Variants in BRDT observed in about 807,000 individuals in gnomAD.
The protein encoded by BRDT is bromodomain testis-specific protein.
A neutral mutation model predicts 113.9 loss-of-function variants in BRDT; 77 were observed. The ratio of observed to expected loss-of-function variants is 0.68; its 90% confidence interval spans 0.56 to 0.82. BRDT has a LOEUF of 0.82. BRDT is among the 40% of genes least tolerant of loss of function. The probability of loss-of-function intolerance (pLI) is 0.00; values close to 1 mark genes in which losing one functional copy is unlikely to be tolerated. For synonymous variants in BRDT, 358 were observed against 366.5 expected (o/e 0.98, Z 0.26); for missense variants, 1,027 against 1,105.4 (o/e 0.93, Z 1.01).
rs1182301562 is a variant in BRDT at position 91,979,637 on chromosome 1, C to T, written c.1167C>T (p.Ile389=). The T allele has an allele frequency of 6.2e-7, 1 of 1,613,868 alleles. No individual in the cohort carries two copies. Among genetic ancestry groups the T allele is most frequent in the East Asian group, 2.2e-5 (1 of 44,864 alleles). ...TTGAGAGTATGCCTTTATGTTACAT[C>T]AAAACAGATATCACAGAAACCACTG... The part of the protein sequence containing the change: ...EPVESMPLCY[I]KTDITETTGR... Residue 389 remains isoleucine (I), a synonymous_variant, in exon 8 of 19, where the codon ATC becomes ATT. Coordinates refer to ENST00000399546, the MANE Select transcript of BRDT (RefSeq NM_207189.4).
intron 4 of BRDT, among the ~76,000 whole-genome samples, chr1:91,970,927 A>G (rs1286238950): frequency 5.9e-5 from 9 of 151,916 alleles, no homozygotes; most frequent in South Asian, 2.1e-4. Flanking sequence ...AAAAAAAAAA[A>G]AAAGAAAAGG....
intron 1 of BRDT, among the ~76,000 whole-genome samples, chr1:91,952,817 C>T (rs1042747658): frequency 6.1e-5 from 9 of 148,690 alleles, no homozygotes; most frequent in African/African-American, 2.2e-4. Context: ...AAGGGCCTTC[C>T]AGGGGTGATG....
In BRDT at chr1:91,980,453, GT is replaced by G. The variant is rs201020973; in HGVS notation, c.1288-185del. ...AAGTTTATGGGTTCAGCACATGATA[GT>G]TTTTGTAATTTAATATATGCCTTTT... On this transcript the variant is annotated intron_variant, in intron 8 of 18. Transcript: ENST00000399546. Among the ~76,000 whole-genome samples, 163 of 152,302 alleles carry G rather than the reference GT, an allele frequency of 1.1e-3. 1 individual carries two copies. In the East Asian group the frequency reaches 0.016, roughly 15 times the overall value.
chr1:91,992,368 A>AT, intron 14 of BRDT, 54 bp downstream of exon 14: 2 of 933,710 alleles, frequency 2.1e-6, no homozygotes, highest in Non-Finnish European at 3.0e-6. Flanking sequence ...TTACATATAG[A>AT]TTAGGGGCTT....
intron 15 of BRDT, among the ~76,000 whole-genome samples, chr1:92,001,098 C>G (rs896639155): frequency 6.6e-6 from 1 of 152,100 alleles, no homozygotes; most frequent in Non-Finnish European, 1.5e-5. Context: ...ATTGGCCACC[C>G]AGGCAGCATC....
At chr1:91,959,426 T>C (rs1682176695) in intron 1 of BRDT, among the ~76,000 whole-genome samples, 1 of 151,302 alleles carries the variant, frequency 6.6e-6, no homozygotes, top group South Asian at 2.1e-4. Context: ...TTTCTTTTTT[T>C]TTTTTTTTTT....
chr1:92,004,701 G>C lies in BRDT; in HGVS notation c.2594+82G>C, dbSNP rs1176353003. On this transcript the variant is annotated intron_variant, in intron 17 of 18. Coordinates refer to ENST00000399546, the MANE Select transcript of BRDT (RefSeq NM_207189.4). Reference sequence around the variant, plus strand: ...ACATTAAATTTCTTATTTGTTAAGTGACTATGATTCAACTGTTTAGTAGAA... The same window carrying C: ...ACATTAAATTTCTTATTTGTTAAGTCACTATGATTCAACTGTTTAGTAGAA... The C allele has an allele frequency of 2.4e-6, 3 of 1,261,060 alleles. No individual in the cohort carries two copies. The African/African-American group carries it at 4.6e-5, about 19-fold the overall frequency. The allele number at this position is 1,261,060 out of a possible 1,614,324, so 78.1% of individuals were successfully genotyped here.
chr1:91,961,993 A>G (rs1477222169), intron 1 of BRDT, among the ~76,000 whole-genome samples: 1 of 151,456 alleles, frequency 6.6e-6, no homozygotes, highest in Non-Finnish European at 1.5e-5. Context: ...AAAATACAAA[A>G]AGTTAGCCGG....
At chr1:91,978,397 C>T in intron 7 of BRDT, 101 bp downstream of exon 7, 1 of 1,341,734 alleles carries the variant, frequency 7.5e-7, no homozygotes, top group Non-Finnish European at 1.0e-6. Context: ...AACTCCTACA[C>T]CTCTAAGTAT....
Position 92,005,223 on chromosome 1 carries a change from A to T in BRDT, c.2699A>T (p.Asp900Val). Residue 900 changes from aspartate to valine, a missense_variant, in exon 18 of 19, where the codon GAT becomes GTT. Coordinates refer to ENST00000399546, the MANE Select transcript of BRDT (RefSeq NM_207189.4). ...KEHQQSSEAQ[D>V]KSKLWLLKDR... ...CATCAGCAGTCATCAGAAGCTCAAG[A>T]TAAATCCAAACTCTGGCTTCTCAAA... 1 of 1,594,620 alleles carries T rather than the reference A, an allele frequency of 6.3e-7. No individual in the cohort carries two copies. Among genetic ancestry groups the T allele is most frequent in the Non-Finnish European group, 8.5e-7 (1 of 1,172,162 alleles).
intron 15 of BRDT, among the ~76,000 whole-genome samples, chr1:91,996,637 A>C (rs192140317): frequency 6.6e-5 from 10 of 152,340 alleles, no homozygotes; most frequent in Non-Finnish European, 1.2e-4. Flanking sequence ...AAGTAAGGAC[A>C]CTGAATGCTG....
chr1:91,965,191 G>C (rs1446670222), intron 3 of BRDT, among the ~76,000 whole-genome samples: 2 of 151,972 alleles, frequency 1.3e-5, no homozygotes, highest in Non-Finnish European at 2.9e-5. Flanking sequence ...TGGGATTATA[G>C]GTGTGAGCCA....
intron 4 of BRDT, among the ~76,000 whole-genome samples, chr1:91,970,195 A>G (rs1346784310): frequency 6.6e-6 from 1 of 152,196 alleles, no homozygotes; most frequent in Non-Finnish European, 1.5e-5. Flanking sequence ...TTATGGAAAA[A>G]AAGACAATGC....
At chr1:91,985,078 ATTATT>A (rs1685081816) in intron 12 of BRDT, among the ~76,000 whole-genome samples, 2 of 151,928 alleles carry the variant, frequency 1.3e-5, no homozygotes, top group South Asian at 2.1e-4. Flanking sequence ...GATTATTATT[ATTATT>A]TTATTTATTG....
rs1240025378 is a variant in BRDT, at chr1:92,005,115, T to G, written c.2595-4T>G. 6.9e-7 allele frequency: 1 copy of G among 1,456,958 alleles called. No individual in the cohort carries two copies. The highest frequency in any genetic ancestry group is 2.6e-5 in the East Asian group (1 of 38,508). 90.3% of individuals were successfully genotyped at this position (1,456,958 alleles called of 1,614,324 possible). ...TACTTTGAGCTATACTTTTTTTCTT[T>G]AAGGGATCTTGGGAATGGATTGACT... On this transcript the variant is annotated splice_polypyrimidine_tract_variant and splice_region_variant and intron_variant, in intron 17 of 18. Transcript: ENST00000399546.
intron 2 of BRDT, among the ~76,000 whole-genome samples, chr1:91,964,388 G>A (rs545796810): frequency 6.6e-6 from 1 of 152,180 alleles, no homozygotes; most frequent in Non-Finnish European, 1.5e-5. Context: ...TTAGAGATGG[G>A]TTTTGCCATG....
At chr1:91,971,407 C>CT (rs971836957) in intron 4 of BRDT, among the ~76,000 whole-genome samples, 1 of 152,148 alleles carries the variant, frequency 6.6e-6, no homozygotes, top group Non-Finnish European at 1.5e-5. Flanking sequence ...GAGGGAATGT[C>CT]TAAGTTTAAA....
intron 18 of BRDT, among the ~76,000 whole-genome samples, chr1:92,007,651 A>C (rs999886243): frequency 1.3e-5 from 2 of 152,024 alleles, no homozygotes; most frequent in African/African-American, 4.8e-5. Context: ...TTCCTATTTT[A>C]GTGGTTGCTT....
At position 91,967,761 on chromosome 1, in the gene BRDT, G is replaced by C. The variant is rs536720916; in HGVS notation, c.331-385G>C. ...TTGGTCAGGCTGGTCTCGAACTCCC[G>C]ACCTCAGATGATCTACCCCCGCCAG... On this transcript the variant is annotated intron_variant, in intron 3 of 18. Coordinates refer to ENST00000399546, the MANE Select transcript of BRDT (RefSeq NM_207189.4). Among the ~76,000 whole-genome samples, 55 of 152,204 alleles carry C rather than the reference G, an allele frequency of 3.6e-4. 1 individual carries two copies. Among genetic ancestry groups the C allele is most frequent in the South Asian group, 3.5e-3 (17 of 4,820 alleles).
Sources: gnomAD v4.1 joint callset for allele counts (sites outside exome capture counted in the v4.1 genomes callset) on GRCh38, gnomAD v4.1.1 for gene constraint, MANE v1.5 for transcripts, NCBI Gene and HGNC (gene_info 2026-07-23, HGNC 2026-07-21) for gene names.